The following PSMA5 variants were observed in gnomAD, a reference collection of about 807,000 sequenced individuals.
PSMA5 encodes the protein proteasome subunit alpha type-5.
A neutral mutation model predicts 34.5 loss-of-function variants in PSMA5; 3 were observed. That is an observed-to-expected ratio of 0.09 (90% confidence interval 0.04 to 0.22). The LOEUF (loss-of-function observed/expected upper bound fraction) is 0.22, where lower values mean the gene tolerates loss of function less well. Ranked by LOEUF, PSMA5 falls within the 10% of genes least tolerant of loss-of-function variation. The pLI is 1.00. For missense variants in PSMA5, 120 were observed against 286.1 expected, an observed-to-expected ratio of 0.42 and a Z score of 4.19; for synonymous variants, 88 against 95.8, an observed-to-expected ratio of 0.92 and a Z score of 0.47.
intron 3 of PSMA5, among the ~76,000 whole-genome samples, chr1:109,414,133 A>C (rs1305377232): frequency 5.3e-5 from 8 of 152,188 alleles, no homozygotes; most frequent in Admixed American, 5.2e-4. Context: ...CAGGCCTACA[A>C]AACTGCTTGT....
chr1:109,412,995 G>T, intron 4 of PSMA5, 73 bp downstream of exon 4: 1 of 1,321,726 alleles, frequency 7.6e-7, no homozygotes. Context: ...CTGCAGTATA[G>T]CCCAGGCAGC....
intron 2 of PSMA5, among the ~76,000 whole-genome samples, chr1:109,416,323 C>T (rs1473779406): frequency 6.6e-6 from 1 of 152,170 alleles, no homozygotes; most frequent in Non-Finnish European, 1.5e-5. Flanking sequence ...CCTTCATATC[C>T]TGATGCCACT....
chr1:109,410,230 G>A (rs1653937601), intron 7 of PSMA5, among the ~76,000 whole-genome samples: 1 of 152,114 alleles, frequency 6.6e-6, no homozygotes, highest in South Asian at 2.1e-4. Flanking sequence ...CTTATTGTGA[G>A]CCACAATAAA....
intron 6 of PSMA5, 36 bp from the exon 7 acceptor site, chr1:109,411,149 G>A (rs753070091): frequency 1.6e-5 from 23 of 1,479,694 alleles, no homozygotes; most frequent in African/African-American, 9.7e-5. Flanking sequence ...AAAATGCTCA[G>A]GAGTGGTGGC....
intron 3 of PSMA5, among the ~76,000 whole-genome samples, chr1:109,414,011 C>A (rs561113748): frequency 2.6e-5 from 4 of 152,204 alleles, no homozygotes; most frequent in Non-Finnish European, 5.9e-5. Flanking sequence ...ATCCTATTAC[C>A]TCATTGCTTA....
Position 109,405,831 on chromosome 1 carries a change from G to A in PSMA5, c.649-3741C>T, listed in dbSNP as rs540242974. 4.6e-5 allele frequency among the ~76,000 whole-genome samples: 7 copies of A among 152,306 alleles called. No homozygotes were observed. The South Asian group carries it at 1.4e-3, about 32-fold the overall frequency. ...CAATGAGGAAAAAATGGACTGAAAT[G>A]GAGGAGGGCAAGATTAATTAGGAAG... On this transcript the variant is annotated intron_variant, in intron 8 of 8. Transcript: ENST00000271308.
In PSMA5 at chr1:109,410,001, T is replaced by A; in HGVS notation, c.575A>T (p.Lys192Ile). 6.2e-7 allele frequency: 1 copy of A among 1,603,934 alleles called. No individual in the cohort carries two copies. The highest frequency in any genetic ancestry group is 8.5e-7 in the Non-Finnish European group (1 of 1,172,156). ...QEVYHKSMTL[K>I]EAIKSSLIIL... Reference sequence around the variant, plus strand: ...GATGAGTGAAGACTTGATGGCTTCTTTCAAAGTCATAGACTTGAAACAAAG... The same window carrying A: ...GATGAGTGAAGACTTGATGGCTTCTATCAAAGTCATAGACTTGAAACAAAG... The change falls in exon 8 of 9, where the codon AAA (lysine) becomes ATA (isoleucine). Residue 192 changes from lysine (K) to isoleucine (I), a missense_variant. Lys to Ile is a moderately radical substitution (Grantham distance 102, BLOSUM62 -3). This residue lies in a region of PSMA5 where 83 missense variants were observed against 203.2 expected (regional missense o/e 0.41). Coordinates refer to ENST00000271308, the MANE Select transcript of PSMA5 (RefSeq NM_002790.4).
chr1:109,413,005 C>A (rs1654058971), intron 4 of PSMA5, 63 bp downstream of exon 4: 1 of 1,404,696 alleles, frequency 7.1e-7, no homozygotes, highest in African/African-American at 1.4e-5. Context: ...GCCCAGGCAG[C>A]TAGATAATCA....
intron 1 of PSMA5, 80 bp downstream of exon 1, chr1:109,426,222 C>T (rs918935039): frequency 4.7e-5 from 74 of 1,573,916 alleles, no homozygotes; most frequent in Admixed American, 1.7e-4. Flanking sequence ...CCCCATGACA[C>T]GGCAGAACCC....
chr1:109,422,717 C>G (rs971186812), intron 1 of PSMA5, among the ~76,000 whole-genome samples: 1 of 152,138 alleles, frequency 6.6e-6, no homozygotes, highest in Admixed American at 6.6e-5. Context: ...GTGATCCACC[C>G]GCCTCGGCCT....
At chr1:109,425,611 T>C (rs771919675) in intron 1 of PSMA5, 1 of 152,214 alleles carries the variant, frequency 6.6e-6, no homozygotes, top group African/African-American at 2.4e-5. Flanking sequence ...AAAACTTAAC[T>C]GACGAAAACA....
At chr1:109,424,365 G>A (rs868398806) in intron 1 of PSMA5, among the ~76,000 whole-genome samples, 7 of 152,046 alleles carry the variant, frequency 4.6e-5, no homozygotes, top group Admixed American at 1.3e-4. Flanking sequence ...GTTTAGTAGA[G>A]ATGAGGTCTC....
chr1:109,414,587 A>G (rs1331945713), intron 3 of PSMA5, among the ~76,000 whole-genome samples: 1 of 152,204 alleles, frequency 6.6e-6, no homozygotes, highest in Non-Finnish European at 1.5e-5. Flanking sequence ...AAGTGACTTG[A>G]GTTAAAGAAG....
chr1:109,405,408 T>C lies in PSMA5; in HGVS notation c.649-3318A>G, dbSNP rs566982268. Among the ~76,000 whole-genome samples the C allele has an allele frequency of 2.6e-4, 39 of 152,204 alleles. No homozygotes were observed. In the South Asian group the frequency reaches 7.9e-3, roughly 31 times the overall value. Reference sequence around the variant, plus strand: ...GTAGTGAATTATGCCATGAAAAGAATTTTGGAATTTATCTCACAGACAATA... The same window carrying C: ...GTAGTGAATTATGCCATGAAAAGAACTTTGGAATTTATCTCACAGACAATA... On this transcript the variant is annotated intron_variant, in intron 8 of 8. Coordinates refer to ENST00000271308, the MANE Select transcript of PSMA5 (RefSeq NM_002790.4).
intron 2 of PSMA5, among the ~76,000 whole-genome samples, chr1:109,420,984 C>T (rs1654413823): frequency 7.3e-6 from 1 of 136,782 alleles, no homozygotes; most frequent in African/African-American, 2.8e-5. Flanking sequence ...AGTTTGAGAC[C>T]AACTTGGGCA....
intron 2 of PSMA5, among the ~76,000 whole-genome samples, chr1:109,418,475 T>G (rs557582354): frequency 2.0e-5 from 3 of 152,062 alleles, no homozygotes; most frequent in Non-Finnish European, 4.4e-5. Context: ...ACTACTACAC[T>G]CAACTAATTT....
intron 2 of PSMA5, among the ~76,000 whole-genome samples, chr1:109,419,811 A>AG (rs71069683): frequency 2.1e-5 from 3 of 142,158 alleles, no homozygotes; most frequent in Non-Finnish European, 4.6e-5. Flanking sequence ...AAAAAAAAAA[A>AG]AAAAAAAAAA....
At chr1:109,417,627 G>A (rs1030118764) in intron 2 of PSMA5, among the ~76,000 whole-genome samples, 3 of 152,160 alleles carry the variant, frequency 2.0e-5, no homozygotes, top group East Asian at 1.9e-4. Context: ...TACTGAAAAC[G>A]GGATAAATAT....
chr1:109,415,190 A>C, intron 3 of PSMA5, 47 bp downstream of exon 3: 1 of 1,584,954 alleles, frequency 6.3e-7, no homozygotes, highest in Non-Finnish European at 8.6e-7. Context: ...TAGAGGACTA[A>C]TTAACCCAGA....
Sources: allele counts gnomAD v4.1 joint callset (sites outside exome capture counted in the v4.1 genomes callset), GRCh38; gene constraint gnomAD v4.1.1; regional missense constraint gnomAD v4.1.1; transcripts MANE v1.5; gene names NCBI Gene and HGNC (gene_info 2026-07-23, HGNC 2026-07-21).